CSMD1: variants seen among roughly 807,000 people sequenced by gnomAD.
CSMD1 encodes the protein CUB and sushi domain-containing protein 1.
Under a neutral mutation model 417.5 loss-of-function variants are expected in CSMD1, and 213 were observed. The ratio of observed to expected loss-of-function variants is 0.51; its 90% CI spans 0.46 to 0.57. CSMD1 has a LOEUF of 0.57. Among genes scored for constraint, CSMD1 ranks in the 20% least tolerant of loss-of-function variants. CSMD1 has a pLI of 0.00. For missense variants in CSMD1, 6,923 were observed against 4,529.7 expected, an observed-to-expected ratio of 1.53 and a Z score of -15.17; for synonymous variants, 2,862 against 1,736.8, an observed-to-expected ratio of 1.65 and a Z score of -16.11.
intron 3 of CSMD1, among the ~76,000 whole-genome samples, chr8:4,216,939 C>G (rs1310546329): frequency 2.6e-5 from 4 of 152,132 alleles, no homozygotes; most frequent in African/African-American, 7.2e-5. Flanking sequence ...ACAGCTCCAA[C>G]AAACCTTTTT....
chr8:3,613,939 T>TA (rs1202660257), intron 8 of CSMD1, among the ~76,000 whole-genome samples: 6 of 151,596 alleles, frequency 4.0e-5, no homozygotes, highest in South Asian at 2.1e-4. Context: ...GAAAAAGAAA[T>TA]AAAAAAAATC....
At chr8:3,782,415 A>C (rs1047888706) in intron 5 of CSMD1, among the ~76,000 whole-genome samples, 27 of 152,318 alleles carry the variant, frequency 1.8e-4, no homozygotes, top group African/African-American at 6.3e-4. Flanking sequence ...GACTATAAAT[A>C]GGCTGTTCAA....
intron 7 of CSMD1, among the ~76,000 whole-genome samples, chr8:3,670,713 G>A (rs1482132735): frequency 1.4e-5 from 2 of 145,082 alleles, no homozygotes; most frequent in South Asian, 4.4e-4. Context: ...GGATATATAT[G>A]TATATGGGAT....
At chr8:4,319,860 G>C (rs917950815) in intron 3 of CSMD1, among the ~76,000 whole-genome samples, 2 of 152,132 alleles carry the variant, frequency 1.3e-5, no homozygotes, top group African/African-American at 4.8e-5. Context: ...ATATTATGCA[G>C]GTAACAGAGG....
At chr8:4,532,109 CA>C (rs1796849576) in intron 2 of CSMD1, among the ~76,000 whole-genome samples, 2 of 147,242 alleles carry the variant, frequency 1.4e-5, no homozygotes, top group Non-Finnish European at 3.0e-5. Context: ...CCTGCACCGC[CA>C]TTCACAGTCA....
At chr8:4,887,270 G>A (rs1306239242) in intron 1 of CSMD1, among the ~76,000 whole-genome samples, 1 of 151,996 alleles carries the variant, frequency 6.6e-6, no homozygotes, top group Non-Finnish European at 1.5e-5. Flanking sequence ...TTCCATACAT[G>A]TAGACTTTTC....
At chr8:3,929,667 A>AT (rs11288538) in intron 5 of CSMD1, among the ~76,000 whole-genome samples, 1,658 of 145,180 alleles carry the variant, frequency 0.011, 93 homozygotes, top group African/African-American at 0.038. Context: ...TAAAAATACT[A>AT]TTTTTTTTTT....
At chr8:4,795,758 G>A (rs759129767) in intron 1 of CSMD1, among the ~76,000 whole-genome samples, 37 of 152,016 alleles carry the variant, frequency 2.4e-4, no homozygotes, top group African/African-American at 8.2e-4. Flanking sequence ...AGTTACCTCC[G>A]TACCTGTGCA....
At chr8:3,497,330 G>A (rs1352940211) in intron 10 of CSMD1, among the ~76,000 whole-genome samples, 1 of 152,028 alleles carries the variant, frequency 6.6e-6, no homozygotes, top group Non-Finnish European at 1.5e-5. Context: ...CTCTGGTGTT[G>A]GGTGCATATA....
intron 5 of CSMD1, among the ~76,000 whole-genome samples, chr8:3,815,216 T>C (rs1365217559): frequency 6.6e-6 from 1 of 152,164 alleles, no homozygotes; most frequent in African/African-American, 2.4e-5. Context: ...TGCTCTCCTT[T>C]TATGGGAACA....
intron 27 of CSMD1, among the ~76,000 whole-genome samples, chr8:3,226,708 A>C (rs908718514): frequency 2.0e-5 from 3 of 152,174 alleles, no homozygotes; most frequent in African/African-American, 7.2e-5. Flanking sequence ...CAATAACAAC[A>C]ACAAAAAAGT....
At chr8:3,098,491 T>C (rs1033843385) in intron 46 of CSMD1, among the ~76,000 whole-genome samples, 1 of 152,212 alleles carries the variant, frequency 6.6e-6, no homozygotes, top group African/African-American at 2.4e-5. Flanking sequence ...AAACATTTCA[T>C]AGAACTCTTT....
At chr8:3,436,734 C>T (rs949094551) in intron 12 of CSMD1, among the ~76,000 whole-genome samples, 7 of 152,138 alleles carry the variant, frequency 4.6e-5, no homozygotes, top group African/African-American at 1.4e-4. Context: ...CTTTTCAACA[C>T]ATTGGCAATG....
intron 1 of CSMD1, among the ~76,000 whole-genome samples, chr8:4,882,086 C>A (rs2043810): frequency 0.38 from 57,953 of 151,888 alleles, 11,964 homozygotes; most frequent in East Asian, 0.53. Context: ...GAATAATAAG[C>A]CCTCATTTAA....
chr8:4,161,326 T>G (rs1035877808), intron 3 of CSMD1, among the ~76,000 whole-genome samples: 15 of 152,208 alleles, frequency 9.9e-5, no homozygotes, highest in African/African-American at 3.6e-4. Context: ...GTGACAGAAT[T>G]AGGGCTAAAA....
chr8:4,717,310 CATATATAT>C (rs377764710), intron 1 of CSMD1, among the ~76,000 whole-genome samples: 1 of 137,132 alleles, frequency 7.3e-6, no homozygotes, highest in Non-Finnish European at 1.5e-5. Context: ...TCTCTCTCTC[CATATATAT>C]ATATATATAC....
At chr8:3,863,113 G>A (rs903288397) in intron 5 of CSMD1, among the ~76,000 whole-genome samples, 7 of 152,036 alleles carry the variant, frequency 4.6e-5, no homozygotes, top group Non-Finnish European at 1.0e-4. Context: ...TTAAAGGTGC[G>A]AAGGTCGGGC....
At chr8:3,399,742 G>A (rs1351442752) in intron 15 of CSMD1, among the ~76,000 whole-genome samples, 1 of 152,182 alleles carries the variant, frequency 6.6e-6, no homozygotes, top group Non-Finnish European at 1.5e-5. Context: ...TTGAAGCAAA[G>A]TTCTTTTTCT....
At chr8:4,722,683 C>T (rs1308663703) in intron 1 of CSMD1, among the ~76,000 whole-genome samples, 3 of 152,082 alleles carry the variant, frequency 2.0e-5, no homozygotes, top group Non-Finnish European at 4.4e-5. Context: ...AAAAAAGTTT[C>T]TAATTTTTCT....
Sources: gnomAD v4.1 joint callset for allele counts (sites outside exome capture counted in the v4.1 genomes callset) on GRCh38, gnomAD v4.1.1 for gene constraint, MANE v1.5 for transcripts, NCBI Gene and HGNC (gene_info 2026-07-23, HGNC 2026-07-21) for gene names.